The following DENND1B variants were observed in gnomAD, a reference collection of about 807,000 sequenced individuals.
DENND1B encodes DENN domain containing 1B.
In DENND1B, 59 loss-of-function variants were observed where a neutral mutation model predicts 90.1. The observed-to-expected ratio is 0.65, with a 90% CI of 0.53 to 0.81. The LOEUF (loss-of-function observed/expected upper bound fraction) is 0.81, where lower values mean the gene tolerates loss of function less well. DENND1B is among the 40% of genes least tolerant of loss of function. The probability of loss-of-function intolerance (pLI) is 0.00; values close to 1 mark genes in which losing one functional copy is unlikely to be tolerated. For missense variants in DENND1B, 862 were observed against 912.6 expected, an observed-to-expected ratio of 0.94 and a Z score of 0.71; for synonymous variants, 337 against 324.6, an observed-to-expected ratio of 1.04 and a Z score of -0.41.
chr1:197,702,782 AC>A, intron 3 of DENND1B, among the ~76,000 whole-genome samples: 1 of 152,178 alleles, frequency 6.6e-6, no homozygotes, highest in East Asian at 1.9e-4. Context: ...TCAATCATCT[AC>A]CCCTCAAGTG....
At chr1:197,539,625 T>C (rs1484891841) in intron 20 of DENND1B, among the ~76,000 whole-genome samples, 2 of 152,224 alleles carry the variant, frequency 1.3e-5, no homozygotes, top group Admixed American at 6.5e-5. Context: ...ATGTATAAGA[T>C]TGATTTTATT....
intron 18 of DENND1B, among the ~76,000 whole-genome samples, chr1:197,542,509 A>G (rs886904087): frequency 3.3e-5 from 5 of 152,184 alleles, no homozygotes; most frequent in African/African-American, 7.2e-5. Context: ...TATAACTCCA[A>G]TGATGAGTAT....
At chr1:197,692,438 G>A (rs1403556854) in intron 3 of DENND1B, among the ~76,000 whole-genome samples, 1 of 151,756 alleles carries the variant, frequency 6.6e-6, no homozygotes. Flanking sequence ...TGTAGCCTCA[G>A]TATCAAGTTC....
Position 197,505,078 on chromosome 1 carries a change from C to A in DENND1B, c.*5382G>T, listed in dbSNP as rs1342470890. ...TTTGGAAAAGTTCAATTTTGAACCC[C>A]TCCTGTGGCTTTTACATAAAAAAGC... On this transcript the variant is annotated 3_prime_UTR_variant, in exon 23 of 23. Transcript: ENST00000620048. 1.3e-5 allele frequency: 2 copies of A among 151,634 alleles called. No individual in the cohort carries two copies. Among genetic ancestry groups the A allele is most frequent in the African/African-American group, 4.8e-5 (2 of 41,332 alleles). 9.4% of individuals were successfully genotyped at this position (151,634 alleles called of 1,614,324 possible).
intron 9 of DENND1B, among the ~76,000 whole-genome samples, chr1:197,645,027 T>G (rs1359097122): frequency 6.6e-6 from 1 of 152,152 alleles, no homozygotes; most frequent in South Asian, 2.1e-4. Context: ...TATTTGTTAC[T>G]TCTACTTGTC....
At chr1:197,756,608 C>T (rs897134976) in intron 2 of DENND1B, among the ~76,000 whole-genome samples, 1 of 149,692 alleles carries the variant, frequency 6.7e-6, no homozygotes, top group Admixed American at 6.6e-5. Context: ...AAAAAATATG[C>T]CCCCATTAAA....
intron 3 of DENND1B, among the ~76,000 whole-genome samples, chr1:197,713,793 T>TATTATATTACAATA (rs1376908590): frequency 9.9e-5 from 2 of 20,226 alleles, no homozygotes; most frequent in African/African-American, 1.8e-4. Context: ...TATTATAATA[T>TATTATATTACAATA]TATTATATTA....
At chr1:197,768,113 T>TAGCTGCTGC (rs1242117757) in intron 2 of DENND1B, among the ~76,000 whole-genome samples, 1 of 152,116 alleles carries the variant, frequency 6.6e-6, no homozygotes, top group Non-Finnish European at 1.5e-5. Flanking sequence ...TACAACATAT[T>TAGCTGCTGC]AGCTGCTGCA....
chr1:197,655,822 G>A (rs879734646), intron 6 of DENND1B, among the ~76,000 whole-genome samples: 16 of 152,050 alleles, frequency 1.1e-4, no homozygotes, highest in East Asian at 3.9e-4. Flanking sequence ...GTGAGCCACC[G>A]CGCCCGGCCC....
chr1:197,735,534 C>T, intron 2 of DENND1B: 1 of 1,612,296 alleles, frequency 6.2e-7, no homozygotes, highest in Non-Finnish European at 8.5e-7. Context: ...AACTATGAAA[C>T]ATTCCATTTA....
intron 3 of DENND1B, among the ~76,000 whole-genome samples, chr1:197,709,537 T>C (rs955645958): frequency 8.6e-5 from 1 of 11,578 alleles, no homozygotes; most frequent in South Asian, 1.9e-3. Flanking sequence ...CTGAGAGATT[T>C]TGTCACCACC....
At chr1:197,761,985 C>T (rs1185305479) in intron 2 of DENND1B, 4 of 151,728 alleles carry the variant, frequency 2.6e-5, no homozygotes, top group Non-Finnish European at 5.9e-5. Flanking sequence ...TTTCAAAGTC[C>T]TTTACATTCA....
At chr1:197,618,938 A>G (rs1677902087) in intron 10 of DENND1B, among the ~76,000 whole-genome samples, 1 of 151,248 alleles carries the variant, frequency 6.6e-6, no homozygotes, top group Non-Finnish European at 1.5e-5. Flanking sequence ...TCTATGTTTA[A>G]GTGCAAAATA....
At chr1:197,614,031 CTTTT>C (rs34399290) in intron 11 of DENND1B, among the ~76,000 whole-genome samples, 2 of 137,076 alleles carry the variant, frequency 1.5e-5, no homozygotes. Context: ...TCTAGGAAAA[CTTTT>C]TTTTTTTTTT....
Position 197,707,626 on chromosome 1 carries a change from A to G in DENND1B, c.126+7405T>C, listed in dbSNP as rs898893300. ...ATACATATATATACATATATAATAT[A>G]ATACATATATTATATAATATACATA... On this transcript the variant is annotated intron_variant, in intron 3 of 22. Transcript: ENST00000620048. Among the ~76,000 whole-genome samples the G allele has an allele frequency of 4.8e-5, 7 of 147,352 alleles. No homozygotes were observed. The East Asian group carries it at 1.4e-3, about 29-fold the overall frequency.
At chr1:197,758,253 ATCC>A (rs1654560123) in intron 2 of DENND1B, among the ~76,000 whole-genome samples, 1 of 152,214 alleles carries the variant, frequency 6.6e-6, no homozygotes, top group Admixed American at 6.5e-5. Context: ...CGTGTCTTCT[ATCC>A]TCCTTGTTCC....
intron 15 of DENND1B, among the ~76,000 whole-genome samples, chr1:197,582,791 T>A (rs1674355931): frequency 7.6e-6 from 1 of 132,192 alleles, no homozygotes; most frequent in Non-Finnish European, 1.7e-5. Flanking sequence ...AATGGAATAA[T>A]CCTATCAAAA....
chr1:197,529,605 T>A (rs973884553), intron 20 of DENND1B, among the ~76,000 whole-genome samples: 19 of 152,038 alleles, frequency 1.2e-4, no homozygotes, highest in Non-Finnish European at 1.5e-5. Flanking sequence ...ATACACATTA[T>A]AACTGCTAGA....
chr1:197,647,023 G>C, intron 8 of DENND1B, 32 bp downstream of exon 8: 1 of 1,447,388 alleles, frequency 6.9e-7, no homozygotes, highest in South Asian at 1.5e-5. Flanking sequence ...ATTTAATAGT[G>C]ATTTTTAGAA....
Sources: allele counts gnomAD v4.1 joint callset (sites outside exome capture counted in the v4.1 genomes callset), GRCh38; gene constraint gnomAD v4.1.1; transcripts MANE v1.5; gene names NCBI Gene and HGNC (gene_info 2026-07-23, HGNC 2026-07-21).